ATIC: variants seen among roughly 807,000 people sequenced by gnomAD.
The protein encoded by ATIC is bifunctional purine biosynthesis protein ATIC.
In ATIC, 64 loss-of-function variants were observed where a neutral mutation model predicts 72.5. That is an observed-to-expected ratio of 0.88 (90% CI 0.72 to 1.09). The LOEUF (loss-of-function observed/expected upper bound fraction) is 1.09, where lower values mean the gene tolerates loss of function less well. Among genes scored for constraint, ATIC ranks in the 50% least tolerant of loss-of-function variants. The probability of loss-of-function intolerance (pLI) is 0.00; values close to 1 mark genes in which losing one functional copy is unlikely to be tolerated. For missense variants in ATIC, 787 were observed against 732.4 expected (o/e 1.07, Z -0.86); for synonymous variants, 281 against 267.1 (o/e 1.05, Z -0.51).
At chr2:215,341,134 A>G (rs888324682) in intron 12 of ATIC, among the ~76,000 whole-genome samples, 10 of 152,156 alleles carry the variant, frequency 6.6e-5, no homozygotes, top group African/African-American at 2.2e-4. Context: ...GACGATTAAC[A>G]TATCTTTTTT....
chr2:215,338,908 G>GT lies in ATIC; in HGVS notation c.1227+2dup. 6.2e-7 allele frequency: 1 copy of GT among 1,613,114 alleles called. No homozygotes were observed. Among genetic ancestry groups the GT allele is most frequent in the Non-Finnish European group, 8.5e-7 (1 of 1,179,416 alleles). ...CAATGTTGTTACCAAAAATAAAGAT[G>GT]TAAGTTGGGAAGTATCTGAACTGAC... On this transcript the variant is annotated splice_donor_variant, in intron 12 of 15. Coordinates refer to ENST00000236959, the MANE Select transcript of ATIC (RefSeq NM_004044.7). LOFTEE classifies it high-confidence loss of function.
At chr2:215,353,160 A>C (rs116266868), downstream of ATIC, among the ~76,000 whole-genome samples, 1 of 151,980 alleles carries the variant, frequency 6.6e-6, no homozygotes, top group Non-Finnish European at 1.5e-5. Flanking sequence ...CATTTTGTGA[A>C]CCTTTCCCTT....
the ATIC span, among the ~76,000 whole-genome samples, chr2:215,364,093 A>C: frequency 6.6e-6 from 1 of 152,128 alleles, no homozygotes; most frequent in South Asian, 2.1e-4. Flanking sequence ...CCTACCCAGA[A>C]CTGTATTTGT....
At position 215,329,064 on chromosome 2, in the gene ATIC, G is replaced by A. The variant is rs574909311; in HGVS notation, c.688+2086G>A. On this transcript the variant is annotated intron_variant, in intron 7 of 15. Transcript: ENST00000236959. ...GAAGCTGCATCTGTTTTTGTTTGTC[G>A]CTGAATCCCCAGGGCTTAGAAGACT... is the stretch of plus-strand genomic sequence containing the variant. Among the ~76,000 whole-genome samples, 10 of 152,258 alleles carry A rather than the reference G, an allele frequency of 6.6e-5. No individual in the cohort carries two copies. In the East Asian group the frequency reaches 9.7e-4, roughly 15 times the overall value.
chr2:215,338,194 G>A (rs909987572), intron 11 of ATIC, among the ~76,000 whole-genome samples: 6 of 152,158 alleles, frequency 3.9e-5, no homozygotes, highest in Admixed American at 3.3e-4. Flanking sequence ...ACACCTTAAT[G>A]TTCTTTCGGC....
At chr2:215,319,199 A>G (rs1243064949) in intron 3 of ATIC, among the ~76,000 whole-genome samples, 1 of 152,074 alleles carries the variant, frequency 6.6e-6, no homozygotes, top group Non-Finnish European at 1.5e-5. Flanking sequence ...TGTTAATCCT[A>G]ATTTTTTTGT....
At position 215,329,703 on chromosome 2, in the gene ATIC, T is replaced by A. The variant is rs1435025017; in HGVS notation, c.689-2679T>A. On this transcript the variant is annotated intron_variant, in intron 7 of 15. Coordinates refer to ENST00000236959, the MANE Select transcript of ATIC (RefSeq NM_004044.7). ...TAGATTAAGCAACTTTCAGCATTTC[T>A]CTGGCACTTTCTATTTCAGTTATTA... Among the ~76,000 whole-genome samples, 5 of 152,368 alleles carry A rather than the reference T, an allele frequency of 3.3e-5. No homozygotes were observed. The East Asian group carries it at 5.8e-4, about 18-fold the overall frequency.
chr2:215,365,800 C>CT, the ATIC span: 1 of 332,702 alleles, frequency 3.0e-6, no homozygotes, highest in East Asian at 5.5e-5. Flanking sequence ...TATTTATTTA[C>CT]TTTTTATTTT....
downstream of ATIC, among the ~76,000 whole-genome samples, chr2:215,352,745 T>C (rs2053140210): frequency 7.3e-6 from 1 of 137,532 alleles, no homozygotes; most frequent in African/African-American, 2.6e-5. Flanking sequence ...TTTCAGTTTT[T>C]TGATTGTGCA....
At chr2:215,361,437 C>T in the ATIC span, 6 of 824,686 alleles carry the variant, frequency 7.3e-6, no homozygotes, top group Admixed American at 5.1e-5. Flanking sequence ...AGAACTTCCT[C>T]CAGAGCAAAG....
chr2:215,328,975 C>G (rs2052860888), intron 7 of ATIC, among the ~76,000 whole-genome samples: 2 of 152,188 alleles, frequency 1.3e-5, no homozygotes, highest in South Asian at 4.1e-4. Flanking sequence ...CCTCGGCCTC[C>G]CAAAGTGCTG....
At chr2:215,361,935 T>A in the ATIC span, 2 of 1,610,956 alleles carry the variant, frequency 1.2e-6, no homozygotes, top group Non-Finnish European at 1.7e-6. Context: ...CTGTCTAGTA[T>A]GAGGGAACAC....
the ATIC span, among the ~76,000 whole-genome samples, chr2:215,359,617 A>T: frequency 6.6e-6 from 1 of 152,224 alleles, no homozygotes; most frequent in Non-Finnish European, 1.5e-5. Context: ...TATTTCGCTA[A>T]GGAAACCTCA....
chr2:215,368,085 T>C, the ATIC span: 1 of 1,570,742 alleles, frequency 6.4e-7, no homozygotes, highest in East Asian at 2.2e-5. Flanking sequence ...ATTTGGACCA[T>C]AAGAAGAAAA....
chr2:215,359,672 A>G, the ATIC span, among the ~76,000 whole-genome samples: 28 of 152,272 alleles, frequency 1.8e-4, no homozygotes, highest in African/African-American at 5.5e-4. Context: ...AACCTCCCCT[A>G]AATGAGATAG....
the ATIC span, among the ~76,000 whole-genome samples, chr2:215,358,737 G>T: frequency 3.9e-5 from 6 of 152,280 alleles, no homozygotes; most frequent in South Asian, 8.3e-4. Flanking sequence ...TCACTTTGGA[G>T]AATCCAACAG....
intron 7 of ATIC, 110 bp downstream of exon 7, chr2:215,327,088 C>T: frequency 6.6e-7 from 1 of 1,521,274 alleles, no homozygotes; most frequent in South Asian, 1.1e-5. Context: ...TCCGTAATGC[C>T]TCCTGTAGCC....
the ATIC span, among the ~76,000 whole-genome samples, chr2:215,366,422 G>A: frequency 1.3e-5 from 2 of 152,106 alleles, no homozygotes; most frequent in East Asian, 1.9e-4. Context: ...GCCACCACCT[G>A]TTTCATGTAC....
At chr2:215,347,142 C>T (rs1189923969) in intron 14 of ATIC, 20 of 718,566 alleles carry the variant, frequency 2.8e-5, no homozygotes, top group Non-Finnish European at 4.3e-5. Context: ...GTTTTTGACC[C>T]CTTTCTGAAA....
Sources: gnomAD v4.1 joint callset for allele counts (sites outside exome capture counted in the v4.1 genomes callset) on GRCh38, gnomAD v4.1.1 for gene constraint, MANE v1.5 for transcripts, NCBI Gene and HGNC (gene_info 2026-07-23, HGNC 2026-07-21) for gene names.